The following TRPM6 variants were observed in gnomAD, a reference collection of about 807,000 sequenced individuals.
TRPM6 encodes channel kinase 2.
Under a neutral mutation model 247.6 loss-of-function variants are expected in TRPM6, and 111 were observed. The observed-to-expected ratio is 0.45, with a 90% CI of 0.38 to 0.52. The LOEUF (loss-of-function observed/expected upper bound fraction) is 0.52, where lower values mean the gene tolerates loss of function less well. Ranked by LOEUF, TRPM6 falls within the 20% of genes least tolerant of loss-of-function variation. TRPM6 has a pLI of 0.00. For synonymous variants in TRPM6, 892 were observed against 853.8 expected (o/e 1.04, Z -0.78); for missense variants, 2,126 against 2,421.5 (o/e 0.88, Z 2.56).
intron 1 of TRPM6, among the ~76,000 whole-genome samples, 198 bp from the exon 2 acceptor site, chr9:74,858,946 C>T (rs965365609): frequency 2.0e-5 from 3 of 152,272 alleles, no homozygotes; most frequent in South Asian, 4.1e-4. Flanking sequence ...GAACATTAAA[C>T]GACACGCAAA....
At chr9:74,850,847 T>C (rs1830283712) in intron 3 of TRPM6, among the ~76,000 whole-genome samples, 1 of 152,222 alleles carries the variant, frequency 6.6e-6, no homozygotes, top group Non-Finnish European at 1.5e-5. Context: ...AATCAGGATC[T>C]ACTAGTTAGA....
chr9:74,781,599 GAGGAA>G lies in TRPM6; in HGVS notation c.3209+758_3209+762del, dbSNP rs1370439507. On this transcript the variant is annotated intron_variant, in intron 23 of 38. Transcript: ENST00000360774. ...AAAGAAAAGAAAAGGAAACGAAAGA[GAGGAA>G]AGGAGAGGAGAGGAAAGGAGAGGAA... Among the ~76,000 whole-genome samples, 19 of 150,582 alleles carry G rather than the reference GAGGAA, an allele frequency of 1.3e-4. No individual in the cohort carries two copies. In the East Asian group the frequency reaches 3.7e-3, roughly 29 times the overall value.
intron 38 of TRPM6, 71 bp downstream of exon 38, chr9:74,728,168 T>C: frequency 1.7e-6 from 2 of 1,156,708 alleles, no homozygotes; most frequent in African/African-American, 1.5e-5. Context: ...TTTTCTACTT[T>C]ATCCCAGGTT....
Position 74,855,571 on chromosome 9 carries a change from T to G in TRPM6, c.114-6A>C. Reference sequence around the variant, plus strand: ...CTTGGCATACTGGAGTACATCTAAATTAAAGAAATAAAACCTCTGTTAGTT... The same window carrying G: ...CTTGGCATACTGGAGTACATCTAAAGTAAAGAAATAAAACCTCTGTTAGTT... On this transcript the variant is annotated splice_region_variant and splice_polypyrimidine_tract_variant and intron_variant, in intron 2 of 38. Transcript: ENST00000360774. The G allele has an allele frequency of 6.3e-7, 1 of 1,591,492 alleles. No homozygotes were observed. Among genetic ancestry groups the G allele is most frequent in the Non-Finnish European group, 8.6e-7 (1 of 1,159,782 alleles).
rs1382241974 is a variant in TRPM6, at chr9:74,808,173, T to G, written c.1499A>C (p.His500Pro). Reference sequence around the variant, plus strand: ...TATTCGGTAGCCTGAAAGAAGGGTATGCTGCAACAAAAACATGCAACGACT... The same window carrying G: ...TATTCGGTAGCCTGAAAGAAGGGTAGGCTGCAACAAAAACATGCAACGACT... ...LHHLVQDVKQ[H>P]TLLSGYRITL... is the part of the protein sequence containing the mutation. Residue 500 changes from histidine (H) to proline (P), a missense_variant and splice_region_variant, in exon 14 of 39, where the codon CAT (histidine) becomes CCT (proline). By Grantham distance (77) the His-to-Pro change is moderately conservative. Coordinates refer to ENST00000360774, the MANE Select transcript of TRPM6 (RefSeq NM_017662.5). The G allele has an allele frequency of 6.2e-7, 1 of 1,613,988 alleles. No individual in the cohort carries two copies. The highest frequency in any genetic ancestry group is 1.7e-5 in the Admixed American group (1 of 60,022).
chr9:74,792,808 C>T, intron 18 of TRPM6, 38 bp from the exon 19 acceptor site: 1 of 1,589,230 alleles, frequency 6.3e-7, no homozygotes. Context: ...TTGTCAGCAG[C>T]TTAACTAAAA....
intron 16 of TRPM6, among the ~76,000 whole-genome samples, chr9:74,801,126 C>T (rs1418366466): frequency 6.6e-6 from 1 of 151,660 alleles, no homozygotes; most frequent in Non-Finnish European, 1.5e-5. Flanking sequence ...TTGGTAGAGA[C>T]AGGGTCTTGC....
intron 32 of TRPM6, 49 bp downstream of exon 32, chr9:74,744,046 G>A (rs1364215593): frequency 5.8e-6 from 9 of 1,564,466 alleles, no homozygotes; most frequent in South Asian, 1.1e-5. Flanking sequence ...AAATGCAGAA[G>A]CACAGACATT....
chr9:74,782,400 T>C lies in TRPM6; in HGVS notation c.3171A>G (p.Gln1057=), dbSNP rs1827494679. ...TCAACAGGTTCACCATGATGATATA[T>C]TGCACGAAGAGGTAGACAGCTTGCA... ...PFLQAVYLFV[Q]YIIMVNLLIA... Residue 1057 remains glutamine, a synonymous_variant, in exon 23 of 39, where the codon CAA becomes CAG. Transcript: ENST00000360774. 1.9e-6 allele frequency: 3 copies of C among 1,613,954 alleles called. No homozygotes were observed. The highest frequency in any genetic ancestry group is 1.1e-5 in the South Asian group (1 of 91,078).
intron 1 of TRPM6, among the ~76,000 whole-genome samples, chr9:74,863,263 T>C (rs1027597869): frequency 5.3e-5 from 8 of 151,808 alleles, no homozygotes; most frequent in Non-Finnish European, 7.4e-5. Flanking sequence ...GCCAGGCTGG[T>C]CTCAAACTCC....
At chr9:74,755,510 TA>T (rs1292891602) in intron 27 of TRPM6, 37 bp from the exon 28 acceptor site, 2 of 1,613,140 alleles carry the variant, frequency 1.2e-6, no homozygotes, top group South Asian at 2.2e-5. Flanking sequence ...ACAGTGACAT[TA>T]ATTCAAAAGC....
chr9:74,759,291 A>G (rs902485815), intron 27 of TRPM6, among the ~76,000 whole-genome samples: 1 of 116,970 alleles, frequency 8.5e-6, no homozygotes, highest in Non-Finnish European at 1.7e-5. Flanking sequence ...CAAAGAACAC[A>G]AAATAGCCAA....
chr9:74,865,471 G>A (rs1030923733), intron 1 of TRPM6, among the ~76,000 whole-genome samples: 2 of 152,206 alleles, frequency 1.3e-5, no homozygotes, highest in African/African-American at 2.4e-5. Flanking sequence ...TCTCCTTTAT[G>A]AGTGTACTTT....
chr9:74,813,857 G>A (rs1355521670), intron 11 of TRPM6, among the ~76,000 whole-genome samples: 1 of 152,212 alleles, frequency 6.6e-6, no homozygotes, highest in East Asian at 1.9e-4. Context: ...AGCACTTTGG[G>A]AGGCTGAGGC....
At chr9:74,781,842 C>T (rs1234469914) in intron 23 of TRPM6, among the ~76,000 whole-genome samples, 2 of 152,108 alleles carry the variant, frequency 1.3e-5, no homozygotes, top group African/African-American at 2.4e-5. Flanking sequence ...TCCATATCTG[C>T]GGGTTCCACA....
intron 1 of TRPM6, among the ~76,000 whole-genome samples, chr9:74,881,245 C>T (rs547568317): frequency 4.6e-4 from 70 of 151,980 alleles, no homozygotes; most frequent in Middle Eastern, 3.4e-3. Context: ...AAAAGATATT[C>T]CACGCAAACA....
At chr9:74,853,883 A>G (rs1290144318) in intron 3 of TRPM6, among the ~76,000 whole-genome samples, 2 of 152,240 alleles carry the variant, frequency 1.3e-5, no homozygotes, top group African/African-American at 4.8e-5. Flanking sequence ...ATAAAATAAA[A>G]TAAATGCATA....
rs565666022 is a variant in TRPM6 at position 74,887,324 on chromosome 9, A to C, written c.33+500T>G. 4,072 of 1,386,160 alleles carry C rather than the reference A, an allele frequency of 2.9e-3. 13 individuals are homozygous for C. Among genetic ancestry groups the C allele is most frequent in the Non-Finnish European group, 3.4e-3 (3,603 of 1,073,740 alleles). The allele number at this position is 1,386,160 out of a possible 1,614,324, so 85.9% of individuals were successfully genotyped here. ...GGCGCGGAGGGACGGCCGTCTGGGC[A>C]CTTCTCCAGCCGCCTCGGAAAGCCG... On this transcript the variant is annotated intron_variant, in intron 1 of 38. Transcript: ENST00000360774.
In TRPM6 at chr9:74,819,026, A is replaced by G. The variant is rs543423375; in HGVS notation, c.1134+1278T>C. The stretch of plus-strand genomic sequence containing the variant: ...AGTCATTGATATGAATTGATAATTC[A>G]GCCGGGCACAGTGGCTTATGCCTGC... On this transcript the variant is annotated intron_variant, in intron 9 of 38. Transcript: ENST00000360774. Among the ~76,000 whole-genome samples, 49 of 152,260 alleles carry G rather than the reference A, an allele frequency of 3.2e-4. 1 individual carries two copies. The highest frequency in any genetic ancestry group is 1.2e-3 in the African/African-American group (48 of 41,558).
Sources: allele counts gnomAD v4.1 joint callset (sites outside exome capture counted in the v4.1 genomes callset), GRCh38; gene constraint gnomAD v4.1.1; transcripts MANE v1.5; gene names NCBI Gene and HGNC (gene_info 2026-07-23, HGNC 2026-07-21).